The following LETM1 variants were observed in gnomAD, a reference collection of about 807,000 sequenced individuals.
LETM1 encodes mitochondrial proton/calcium exchanger protein.
In LETM1, 50 loss-of-function variants were observed where a neutral mutation model predicts 74.5. That is an observed-to-expected ratio of 0.67 (90% CI 0.53 to 0.85). The LOEUF is 0.85. Among genes scored for constraint, LETM1 ranks in the 40% least tolerant of loss-of-function variants. The pLI is 0.00. For synonymous variants in LETM1, 446 were observed against 407.1 expected (o/e 1.10, Z -1.15); for missense variants, 824 against 967.8 (o/e 0.85, Z 1.97).
At chr4:1,837,858 A>G (rs1712511741) in intron 3 of LETM1, among the ~76,000 whole-genome samples, 1 of 151,774 alleles carries the variant, frequency 6.6e-6, no homozygotes, top group African/African-American at 2.4e-5. Context: ...ATGCGCCACC[A>G]CGCCTAGCTA....
intron 1 of LETM1, among the ~76,000 whole-genome samples, chr4:1,851,721 C>T (rs1024206654): frequency 6.6e-6 from 1 of 152,224 alleles, no homozygotes; most frequent in African/African-American, 2.4e-5. Context: ...CCGCTATCCT[C>T]CCCACACCAT....
chr4:1,829,161 AG>A (rs1712158251), intron 6 of LETM1, among the ~76,000 whole-genome samples: 1 of 74,988 alleles, frequency 1.3e-5, no homozygotes, highest in Admixed American at 1.3e-4. Context: ...CTGGCCGGGC[AG>A]GGGGGCTGAC....
Position 1,834,308 on chromosome 4 carries a change from C to A in LETM1, c.876+537G>T. On this transcript the variant is annotated intron_variant, in intron 5 of 13. Transcript: ENST00000302787. The surrounding 1 kb of genome is among the most constrained non-coding windows in gnomAD (Gnocchi z 5.0). Reference sequence around the variant, plus strand: ...AAGCCAACAACACCGGCCTCGTGAACCCCATCTAGTCCTCAGGGATCTCGG... The same window carrying A: ...AAGCCAACAACACCGGCCTCGTGAAACCCATCTAGTCCTCAGGGATCTCGG... The A allele has an allele frequency of 1.2e-6, 1 of 832,968 alleles. No individual in the cohort carries two copies. Among genetic ancestry groups the A allele is most frequent in the Non-Finnish European group, 1.4e-6 (1 of 690,212 alleles). The allele number at this position is 832,968 out of a possible 1,614,324, so 51.6% of individuals were successfully genotyped here.
intron 6 of LETM1, among the ~76,000 whole-genome samples, chr4:1,829,887 C>T (rs1021420567): frequency 1.2e-4 from 19 of 152,164 alleles, no homozygotes; most frequent in Admixed American, 6.6e-4. Flanking sequence ...CACACACACA[C>T]GATGCCTTTC....
chr4:1,841,435 C>T lies in LETM1; in HGVS notation c.506G>A (p.Arg169His), dbSNP rs751790736. The T allele has an allele frequency of 1.7e-5, 27 of 1,614,124 alleles. No individual in the cohort carries two copies. Among genetic ancestry groups the T allele is most frequent in the Admixed American group, 6.7e-5 (4 of 60,010 alleles). ...DELKHYYHGF[R>H]LLWIDTKIAA... ...GATCTTGGTGTCGATCCATAGCAGGCGGAAGCCATGGTAGTAGTGCTTCAG... is the reference window on the plus strand; with the variant it reads ...GATCTTGGTGTCGATCCATAGCAGGTGGAAGCCATGGTAGTAGTGCTTCAG... Residue 169 changes from arginine (R) to histidine (H), a missense_variant, in exon 3 of 14, where the codon CGC (arginine) becomes CAC (histidine). Physicochemically the swap from Arg to His is conservative, Grantham distance 29. Coordinates refer to ENST00000302787, the MANE Select transcript of LETM1 (RefSeq NM_012318.3).
chr4:1,820,881 G>C (rs1030193541), intron 10 of LETM1, among the ~76,000 whole-genome samples: 2 of 152,046 alleles, frequency 1.3e-5, no homozygotes. Context: ...ACAATTAGCT[G>C]GGTGTGGTGG....
rs1484223685 is a variant in LETM1 at position 1,834,821 on chromosome 4, AG to A, written c.876+23del. The A allele has an allele frequency of 1.9e-6, 3 of 1,613,234 alleles. No homozygotes were observed. The highest frequency in any genetic ancestry group is 1.7e-4 in the Middle Eastern group (1 of 5,998). On this transcript the variant is annotated intron_variant, in intron 5 of 13. Coordinates refer to ENST00000302787, the MANE Select transcript of LETM1 (RefSeq NM_012318.3). This position sits in a 1 kb window ranked among gnomAD's most constrained non-coding sequence, Gnocchi z 5.0. ...AGGGAAGGCTCCCTGGTGAGGTCAC[AG>A]GGACTCAGACGTATCACAGCACCTT...
intron 2 of LETM1, among the ~76,000 whole-genome samples, chr4:1,842,102 T>C (rs1465498677): frequency 2.0e-5 from 3 of 152,062 alleles, no homozygotes; most frequent in Admixed American, 2.0e-4. Flanking sequence ...GATCCCTGGG[T>C]GGGTCTCCCA....
rs1722546079 is a variant in LETM1 at position 1,814,268 on chromosome 4, A to G, written c.*156T>C. The G allele has an allele frequency of 6.1e-6, 7 of 1,149,930 alleles. No homozygotes were observed. Among genetic ancestry groups the G allele is most frequent in the East Asian group, 2.4e-5 (1 of 42,052 alleles). 71.2% of individuals were successfully genotyped at this position (1,149,930 alleles called of 1,614,324 possible). On this transcript the variant is annotated 3_prime_UTR_variant, in exon 14 of 14. Coordinates refer to ENST00000302787, the MANE Select transcript of LETM1 (RefSeq NM_012318.3). ...TCCAGACAGACTGAATCTCCGTGGAATGATGAAAATTAAAATTTACTTGAT... is the reference window on the plus strand; with the variant it reads ...TCCAGACAGACTGAATCTCCGTGGAGTGATGAAAATTAAAATTTACTTGAT...
At chr4:1,818,154 G>A (rs1357353895) in intron 11 of LETM1, among the ~76,000 whole-genome samples, 2 of 152,176 alleles carry the variant, frequency 1.3e-5, no homozygotes, top group African/African-American at 4.8e-5. Context: ...GGGAAGGCGA[G>A]GGGAGGGGAG....
At chr4:1,828,014 A>ACCCC (rs1191387582) in intron 6 of LETM1, among the ~76,000 whole-genome samples, 2 of 112,376 alleles carry the variant, frequency 1.8e-5, no homozygotes, top group African/African-American at 8.4e-5. Context: ...GCGCCCCCCA[A>ACCCC]CCCGGACGGG....
At position 1,814,306 on chromosome 4, in the gene LETM1, T is replaced by C; in HGVS notation, c.*118A>G. 1 of 1,472,724 alleles carries C rather than the reference T, an allele frequency of 6.8e-7. No individual in the cohort carries two copies. Among genetic ancestry groups the C allele is most frequent in the Admixed American group, 1.9e-5 (1 of 51,316 alleles). 91.2% of individuals were successfully genotyped at this position (1,472,724 alleles called of 1,614,324 possible). ...AAATTTACTTGATTATGGAAGTCTC[T>C]GATTTATTCCAGCCAAAATATTAGA... On this transcript the variant is annotated 3_prime_UTR_variant, in exon 14 of 14. Coordinates refer to ENST00000302787, the MANE Select transcript of LETM1 (RefSeq NM_012318.3).
intron 1 of LETM1, among the ~76,000 whole-genome samples, chr4:1,852,071 C>T (rs910601872): frequency 8.5e-5 from 13 of 152,186 alleles, no homozygotes; most frequent in Non-Finnish European, 1.2e-4. Context: ...AACGAATTCT[C>T]CAACTGGGAG....
chr4:1,831,477 T>G (rs574907452), intron 6 of LETM1, among the ~76,000 whole-genome samples: 10 of 152,384 alleles, frequency 6.6e-5, no homozygotes, highest in Middle Eastern at 3.4e-3. Flanking sequence ...ACCTTGTTCC[T>G]GCTGGGCAGT....
chr4:1,815,945 G>T, intron 12 of LETM1, 143 bp from the exon 13 acceptor site: 1 of 914,026 alleles, frequency 1.1e-6, no homozygotes, highest in Non-Finnish European at 1.7e-6. Flanking sequence ...GGACCCCCAA[G>T]GTATGATCCC....
intron 1 of LETM1, 93 bp downstream of exon 1, chr4:1,855,776 A>T: frequency 2.6e-6 from 2 of 779,648 alleles, no homozygotes; most frequent in Non-Finnish European, 3.4e-6. Context: ...GGCTCCCCGC[A>T]TCGCCGTGAC....
intron 2 of LETM1, 45 bp downstream of exon 2, chr4:1,849,104 C>G (rs757311878): frequency 7.2e-7 from 1 of 1,391,966 alleles, no homozygotes; most frequent in Non-Finnish European, 1.0e-6. Flanking sequence ...ATTTTCAAAC[C>G]CTGTTTTCAA....
intron 10 of LETM1, among the ~76,000 whole-genome samples, chr4:1,821,721 A>G (rs1190345742): frequency 6.6e-6 from 1 of 152,124 alleles, no homozygotes; most frequent in Non-Finnish European, 1.5e-5. Context: ...AGGCGCCTGG[A>G]GGCTGCACCT....
At chr4:1,815,905 G>A (rs1160192283) in intron 12 of LETM1, 103 bp from the exon 13 acceptor site, 14 of 1,439,836 alleles carry the variant, frequency 9.7e-6, no homozygotes, top group African/African-American at 4.2e-5. Flanking sequence ...GACACAGGCG[G>A]CTCCGCGTGA....
Sources: allele counts gnomAD v4.1 joint callset (sites outside exome capture counted in the v4.1 genomes callset), GRCh38; gene constraint gnomAD v4.1.1; non-coding constraint Gnocchi (gnomAD v3.1); transcripts MANE v1.5; gene names NCBI Gene and HGNC (gene_info 2026-07-23, HGNC 2026-07-21).